GALNT13: variants seen among roughly 807,000 people sequenced by gnomAD.
The protein encoded by GALNT13 is polypeptide N-acetylgalactosaminyltransferase 13.
GALNT13 carries 28 observed loss-of-function variants against 64.2 expected under a neutral mutation model. That is an observed-to-expected ratio of 0.44 (90% CI 0.32 to 0.60). The LOEUF (loss-of-function observed/expected upper bound fraction) is 0.60, where lower values mean the gene tolerates loss of function less well. Among genes scored for constraint, GALNT13 ranks in the 20% least tolerant of loss-of-function variants. The probability of loss-of-function intolerance (pLI) is 0.05; values close to 1 mark genes in which losing one functional copy is unlikely to be tolerated. For missense variants in GALNT13, 577 were observed against 669.8 expected (o/e 0.86, Z 1.53); for synonymous variants, 214 against 224.6 (o/e 0.95, Z 0.42).
chr2:154,190,861 A>G (rs1354894981), intron 4 of GALNT13, among the ~76,000 whole-genome samples: 3 of 152,244 alleles, frequency 2.0e-5, no homozygotes, highest in African/African-American at 4.8e-5. Flanking sequence ...TATCAAAAAC[A>G]TGATTGCTTT....
At chr2:154,184,003 C>T (rs184942103) in intron 4 of GALNT13, among the ~76,000 whole-genome samples, 19 of 151,854 alleles carry the variant, frequency 1.3e-4, no homozygotes, top group Admixed American at 2.6e-4. Flanking sequence ...AGGCTGGCCT[C>T]AAAGTCCCAG....
chr2:154,428,563 G>A lies in GALNT13; in HGVS notation c.1396-10029G>A, dbSNP rs1025311613. Among the ~76,000 whole-genome samples the A allele has an allele frequency of 2.0e-5, 3 of 152,186 alleles. No homozygotes were observed. In the South Asian group the frequency reaches 6.2e-4, roughly 32 times the overall value. On this transcript the variant is annotated intron_variant, in intron 11 of 12. Coordinates refer to ENST00000392825, the MANE Select transcript of GALNT13 (RefSeq NM_052917.4). ...ATGTATATGTATCTAGGCATACATT[G>A]TTTTATTACTCTTTGCTTTATTGTG...
the GALNT13 span, among the ~76,000 whole-genome samples, chr2:153,345,635 TTTTCTTTCTTTCTTTCTTTCTTTCTTTC>T: frequency 1.0e-4 from 7 of 68,860 alleles, no homozygotes; most frequent in South Asian, 5.3e-4. Flanking sequence ...TTTCCTTTCT[TTTTCTTTCTTTCTTTCTTTCTTTCTTTC>T]TTTCTTTCTT....
At chr2:153,672,094 A>G in the GALNT13 span, among the ~76,000 whole-genome samples, 8 of 152,208 alleles carry the variant, frequency 5.3e-5, no homozygotes, top group African/African-American at 1.9e-4. Context: ...ATCCCACACA[A>G]TAATGATGGG....
At chr2:154,430,966 A>G (rs1700684253) in intron 11 of GALNT13, among the ~76,000 whole-genome samples, 2 of 152,220 alleles carry the variant, frequency 1.3e-5, no homozygotes, top group African/African-American at 4.8e-5. Context: ...TGCACGCTTA[A>G]TATGGCTACA....
intron 8 of GALNT13, among the ~76,000 whole-genome samples, chr2:154,282,472 G>T (rs896705252): frequency 8.5e-5 from 13 of 152,098 alleles, no homozygotes; most frequent in African/African-American, 3.1e-4. Flanking sequence ...TCTACAAGTG[G>T]TTTGTGTACC....
the GALNT13 span, among the ~76,000 whole-genome samples, chr2:153,472,860 G>A: frequency 6.6e-6 from 1 of 152,154 alleles, no homozygotes; most frequent in East Asian, 1.9e-4. Flanking sequence ...CAATGTGACT[G>A]AGGAATATTT....
chr2:153,865,128 T>A, the GALNT13 span, among the ~76,000 whole-genome samples: 6 of 128,952 alleles, frequency 4.7e-5, no homozygotes, highest in Non-Finnish European at 9.9e-5. Context: ...TGAAACTGGA[T>A]CCCTTCCTTA....
chr2:153,496,090 A>G, the GALNT13 span, among the ~76,000 whole-genome samples: 1 of 152,220 alleles, frequency 6.6e-6, no homozygotes, highest in Non-Finnish European at 1.5e-5. Context: ...GAGTGGAACC[A>G]AAGAAGGAAG....
At chr2:153,649,933 T>C in the GALNT13 span, among the ~76,000 whole-genome samples, 8 of 152,212 alleles carry the variant, frequency 5.3e-5, no homozygotes, top group African/African-American at 7.2e-5. Flanking sequence ...GAAAAGAATG[T>C]ATATTCTGTT....
chr2:153,450,677 G>GT, the GALNT13 span, among the ~76,000 whole-genome samples: 5 of 151,584 alleles, frequency 3.3e-5, no homozygotes, highest in East Asian at 3.9e-4. Flanking sequence ...ACACATATCA[G>GT]TCAGTCTTCC....
chr2:153,631,705 T>C, the GALNT13 span, among the ~76,000 whole-genome samples: 1 of 152,198 alleles, frequency 6.6e-6, no homozygotes, highest in Non-Finnish European at 1.5e-5. Flanking sequence ...TTCTGGATAT[T>C]AGCCCTTTGT....
intron 8 of GALNT13, among the ~76,000 whole-genome samples, chr2:154,277,235 T>A (rs1019223898): frequency 2.0e-5 from 3 of 152,186 alleles, no homozygotes; most frequent in African/African-American, 7.2e-5. Context: ...AGCCTATTAT[T>A]TTTATATACC....
chr2:153,478,213 T>C, the GALNT13 span: 3 of 1,587,962 alleles, frequency 1.9e-6, no homozygotes, highest in African/African-American at 1.3e-5. Flanking sequence ...GTGGGAGCGG[T>C]TGCCGCGGGG....
At chr2:154,198,878 G>A (rs989897088) in intron 4 of GALNT13, among the ~76,000 whole-genome samples, 7 of 151,998 alleles carry the variant, frequency 4.6e-5, no homozygotes, top group Admixed American at 4.6e-4. Context: ...TACAAATACA[G>A]TTACTAGAGT....
chr2:153,440,814 T>C, the GALNT13 span, among the ~76,000 whole-genome samples: 1 of 152,048 alleles, frequency 6.6e-6, no homozygotes, highest in Admixed American at 6.6e-5. Context: ...TTTTTTTCTT[T>C]TGAATTTAAG....
At chr2:153,842,960 G>A in the GALNT13 span, among the ~76,000 whole-genome samples, 1 of 151,932 alleles carries the variant, frequency 6.6e-6, no homozygotes. Flanking sequence ...ATTAAATGAA[G>A]AATTTAATAC....
intron 3 of GALNT13, among the ~76,000 whole-genome samples, chr2:154,118,666 G>T (rs1681753604): frequency 6.6e-6 from 1 of 150,924 alleles, no homozygotes; most frequent in Non-Finnish European, 1.5e-5. Context: ...TGTAATTCCT[G>T]CTTTGAATGC....
At chr2:154,190,152 T>G (rs1228875970) in intron 4 of GALNT13, among the ~76,000 whole-genome samples, 1 of 152,114 alleles carries the variant, frequency 6.6e-6, no homozygotes, top group African/African-American at 2.4e-5. Flanking sequence ...GTAACTCAAT[T>G]TTCTGATTTA....
Sources: allele counts gnomAD v4.1 joint callset (sites outside exome capture counted in the v4.1 genomes callset), GRCh38; gene constraint gnomAD v4.1.1; transcripts MANE v1.5; gene names NCBI Gene and HGNC (gene_info 2026-07-23, HGNC 2026-07-21).